The following RBFOX1 variants were observed in gnomAD, a reference collection of about 807,000 sequenced individuals.
RBFOX1 encodes the protein RNA binding protein fox-1 homolog 1.
In RBFOX1, 8 loss-of-function variants were observed where a neutral mutation model predicts 57.7. The ratio of observed to expected loss-of-function variants is 0.14; its 90% CI spans 0.08 to 0.25. The LOEUF is 0.25. RBFOX1 is among the 10% of genes least tolerant of loss of function. RBFOX1 has a pLI of 1.00. For synonymous variants in RBFOX1, 326 were observed against 222.4 expected, an observed-to-expected ratio of 1.47 and a Z score of -4.15; for missense variants, 611 against 548.5, an observed-to-expected ratio of 1.11 and a Z score of -1.14.
chr16:5,924,346 T>A (rs988915967), intron 4 of RBFOX1, among the ~76,000 whole-genome samples: 3 of 152,144 alleles, frequency 2.0e-5, no homozygotes, highest in Non-Finnish European at 4.4e-5. Context: ...TAAAATTTGA[T>A]TGCTAATGTT....
chr16:6,444,334 A>G (rs1223180693), intron 2 of RBFOX1, among the ~76,000 whole-genome samples: 2 of 152,086 alleles, frequency 1.3e-5, no homozygotes, highest in South Asian at 2.1e-4. Context: ...AAGGTTTGAC[A>G]TGGTTTGGCT....
At chr16:5,764,337 G>C (rs1567510258) in intron 3 of RBFOX1, among the ~76,000 whole-genome samples, 1 of 152,180 alleles carries the variant, frequency 6.6e-6, no homozygotes, top group African/African-American at 2.4e-5. Context: ...TTTCCTTGGT[G>C]GGGAGGACAG....
intron 2 of RBFOX1, among the ~76,000 whole-genome samples, chr16:5,583,851 T>C (rs1408733108): frequency 6.6e-6 from 1 of 152,210 alleles, no homozygotes; most frequent in Non-Finnish European, 1.5e-5. Context: ...GCATCTTCAA[T>C]GCTGGGCTGC....
chr16:5,246,232 C>T (rs776215324), intron 1 of RBFOX1, among the ~76,000 whole-genome samples: 30 of 152,104 alleles, frequency 2.0e-4, no homozygotes, highest in Non-Finnish European at 3.5e-4. Flanking sequence ...GGTGACAGAG[C>T]GAGACTCTGT....
At chr16:6,591,116 T>C (rs1046749021) in intron 2 of RBFOX1, among the ~76,000 whole-genome samples, 25 of 152,174 alleles carry the variant, frequency 1.6e-4, no homozygotes, top group Non-Finnish European at 4.4e-5. Context: ...GTCTAAGAGT[T>C]CGCACACTGT....
chr16:7,701,627 G>C (rs1027216295), intron 14 of RBFOX1, among the ~76,000 whole-genome samples: 1 of 152,148 alleles, frequency 6.6e-6, no homozygotes, highest in Non-Finnish European at 1.5e-5. Context: ...GACTGGTTTA[G>C]TTCCTCCAAC....
Position 6,752,496 on chromosome 16 carries a change from C to T in RBFOX1, c.-16+97846C>T, listed in dbSNP as rs144298141. 7.3e-4 allele frequency among the ~76,000 whole-genome samples: 111 copies of T among 152,274 alleles called. 1 individual carries two copies. Among genetic ancestry groups the T allele is most frequent in the South Asian group, 3.1e-3 (15 of 4,822 alleles). Reference sequence around the variant, plus strand: ...CTCTGTCGCTGGACCTTGCTATGTGCTGGAAGCTGTGTTCTTTCCATGTTT... The same window carrying T: ...CTCTGTCGCTGGACCTTGCTATGTGTTGGAAGCTGTGTTCTTTCCATGTTT... On this transcript the variant is annotated intron_variant, in intron 3 of 15. Coordinates refer to ENST00000550418, the MANE Select transcript of RBFOX1 (RefSeq NM_018723.4).
intron 1 of RBFOX1, among the ~76,000 whole-genome samples, chr16:5,408,570 C>A (rs1172913035): frequency 3.9e-5 from 6 of 152,180 alleles, no homozygotes; most frequent in African/African-American, 1.4e-4. Flanking sequence ...ACAGTGCTTC[C>A]TGCTTCGGGT....
intron 4 of RBFOX1, among the ~76,000 whole-genome samples, chr16:5,894,946 C>G (rs559806512): frequency 2.6e-5 from 4 of 152,054 alleles, no homozygotes; most frequent in East Asian, 1.9e-4. Context: ...TGGCATGAAC[C>G]CGGGAGGCAG....
chr16:6,838,715 C>T (rs1009089101), intron 3 of RBFOX1, among the ~76,000 whole-genome samples: 1 of 152,076 alleles, frequency 6.6e-6, no homozygotes, highest in East Asian at 1.9e-4. Context: ...GGGGGCTTGC[C>T]CGTCCTGCAT....
At chr16:5,541,194 G>C (rs2044936153) in intron 2 of RBFOX1, among the ~76,000 whole-genome samples, 1 of 152,114 alleles carries the variant, frequency 6.6e-6, no homozygotes. Flanking sequence ...TTATGTGTAT[G>C]TTTAAGATAA....
intron 5 of RBFOX1, among the ~76,000 whole-genome samples, chr16:7,579,106 C>G (rs2093556281): frequency 6.6e-6 from 1 of 152,154 alleles, no homozygotes; most frequent in South Asian, 2.1e-4. Flanking sequence ...CTAATGCAAA[C>G]AAAGTTAAAT....
intron 5 of RBFOX1, among the ~76,000 whole-genome samples, chr16:7,527,870 G>A (rs543028649): frequency 4.6e-5 from 7 of 152,118 alleles, no homozygotes; most frequent in Non-Finnish European, 7.3e-5. Flanking sequence ...TTTTATCCAG[G>A]AGAATACATT....
At chr16:6,967,959 T>C (rs893619452) in intron 3 of RBFOX1, among the ~76,000 whole-genome samples, 1 of 152,026 alleles carries the variant, frequency 6.6e-6, no homozygotes, top group Non-Finnish European at 1.5e-5. Flanking sequence ...ATAAAAACGC[T>C]CGGGGAGAGA....
At chr16:5,253,363 G>A (rs113775371) in intron 1 of RBFOX1, among the ~76,000 whole-genome samples, 4 of 152,200 alleles carry the variant, frequency 2.6e-5, no homozygotes, top group African/African-American at 9.6e-5. Context: ...TGTTGGCCAG[G>A]CTGGTCTTGA....
At chr16:6,969,116 A>T (rs1278656734) in intron 3 of RBFOX1, among the ~76,000 whole-genome samples, 2 of 152,136 alleles carry the variant, frequency 1.3e-5, no homozygotes, top group African/African-American at 2.4e-5. Flanking sequence ...GGTTAAGAGT[A>T]CTGCGTGTGA....
intron 11 of RBFOX1, among the ~76,000 whole-genome samples, chr16:7,635,858 T>C (rs2061669870): frequency 6.6e-6 from 1 of 152,192 alleles, no homozygotes; most frequent in South Asian, 2.1e-4. Context: ...TCACCCAGGC[T>C]GCAGTGCAGT....
chr16:6,844,365 G>C (rs1374164528), intron 3 of RBFOX1, among the ~76,000 whole-genome samples: 2 of 152,010 alleles, frequency 1.3e-5, no homozygotes, highest in Non-Finnish European at 2.9e-5. Flanking sequence ...CCCCTCAGCA[G>C]ATCCCCACGC....
In RBFOX1 at chr16:6,894,586, C is replaced by T. The variant is rs114603506; in HGVS notation, c.-15-157471C>T. On this transcript the variant is annotated intron_variant, in intron 3 of 15. Transcript: ENST00000550418. ...GAAGTATTTCTGAAAACACTTGCCC[C>T]ATTTGGGGTTCTCAGTGCAATTTCG... Among the ~76,000 whole-genome samples the T allele has an allele frequency of 7.6e-3, 1,158 of 152,290 alleles. 18 individuals are homozygous for T. Among genetic ancestry groups the T allele is most frequent in the African/African-American group, 0.026 (1,091 of 41,564 alleles).
Sources: allele counts gnomAD v4.1 joint callset (sites outside exome capture counted in the v4.1 genomes callset), GRCh38; gene constraint gnomAD v4.1.1; transcripts MANE v1.5; gene names NCBI Gene and HGNC (gene_info 2026-07-23, HGNC 2026-07-21).